The following SCARB1 variants were observed in gnomAD, a reference collection of about 807,000 sequenced individuals.
SCARB1 encodes the protein CD36 and LIMPII analogous 1.
A neutral mutation model predicts 57.2 loss-of-function variants in SCARB1; 30 were observed. The ratio of observed to expected loss-of-function variants is 0.52; its 90% confidence interval spans 0.39 to 0.71. SCARB1 has a LOEUF of 0.71. Among genes scored for constraint, SCARB1 ranks in the 30% least tolerant of loss-of-function variants. The pLI, the probability that SCARB1 is intolerant of heterozygous loss-of-function variation, is 0.00. For synonymous variants in SCARB1, 249 were observed against 268.3 expected (o/e 0.93, Z 0.70); for missense variants, 543 against 671.2 (o/e 0.81, Z 2.11).
intron 11 of SCARB1, chr12:124,783,108 C>A (rs969166153): frequency 5.2e-6 from 2 of 385,236 alleles, no homozygotes; most frequent in Non-Finnish European, 9.6e-6. Flanking sequence ...CCATGGAGAC[C>A]GACAACCAGT....
chr12:124,807,967 C>G lies in SCARB1; in HGVS notation c.843-40G>C, dbSNP rs760655256. The G allele has an allele frequency of 5.6e-6, 9 of 1,607,098 alleles. No homozygotes were observed. The highest frequency in any genetic ancestry group is 7.7e-6 in the Non-Finnish European group (9 of 1,174,438). ...CAGGATGAGAGGGGACACCCAGACCCGGCGGCCAGAGCCAGGCCCTGCCAA... is the reference window on the plus strand; with the variant it reads ...CAGGATGAGAGGGGACACCCAGACCGGGCGGCCAGAGCCAGGCCCTGCCAA... On this transcript the variant is annotated intron_variant, in intron 6 of 12. Transcript: ENST00000261693. This position sits in a 1 kb window ranked among gnomAD's most constrained non-coding sequence, Gnocchi z 5.3.
intron 7 of SCARB1, among the ~76,000 whole-genome samples, chr12:124,803,703 AAAAAAAAAAAAAT>A (rs1004334294): frequency 1.5e-5 from 2 of 136,176 alleles, no homozygotes; most frequent in Admixed American, 7.0e-5. Context: ...AAAAAAAAAA[AAAAAAAAAAAAAT>A]TGAAATAAGA....
chr12:124,833,369 T>C (rs1174547494), intron 1 of SCARB1, among the ~76,000 whole-genome samples: 1 of 152,016 alleles, frequency 6.6e-6, no homozygotes, highest in Admixed American at 6.6e-5. Context: ...TTTAAATTTT[T>C]TATAGAGATG....
Position 124,816,817 on chromosome 12 carries a change from C to CA in SCARB1, c.284+732dup, listed in dbSNP as rs1950736738. On this transcript the variant is annotated intron_variant, in intron 2 of 12. Transcript: ENST00000261693. ...GGGGCTCTTGTGTCTCTCCAGTCTG[C>CA]AGACGGGCAAACTGAGGCTCAGAGG... 2.0e-5 allele frequency among the ~76,000 whole-genome samples: 3 copies of CA among 152,170 alleles called. No individual in the cohort carries two copies. In the South Asian group the frequency reaches 6.2e-4, roughly 32 times the overall value.
chr12:124,843,755 C>T (rs1410126917), intron 1 of SCARB1, among the ~76,000 whole-genome samples: 1 of 152,172 alleles, frequency 6.6e-6, no homozygotes, highest in African/African-American at 2.4e-5. Context: ...TGGGGTCTAG[C>T]CCCAGTTTGC....
intron 1 of SCARB1, among the ~76,000 whole-genome samples, chr12:124,833,193 C>CT (rs34730382): frequency 0.44 from 62,072 of 141,234 alleles, 13,964 homozygotes; most frequent in South Asian, 0.59. Flanking sequence ...AGATCCTTAA[C>CT]TTTTTTTTTT....
intron 1 of SCARB1, among the ~76,000 whole-genome samples, chr12:124,841,146 C>T (rs550998704): frequency 1.1e-4 from 17 of 152,180 alleles, no homozygotes; most frequent in Admixed American, 4.6e-4. Flanking sequence ...CCGAGGTGGG[C>T]GGATCACGAG....
rs1038402419 is a variant in SCARB1 at position 124,792,252 on chromosome 12, T to C, written c.1202+2943A>G. 1.9e-4 allele frequency among the ~76,000 whole-genome samples: 29 copies of C among 152,260 alleles called. 1 individual carries two copies. Among genetic ancestry groups the C allele is most frequent in the African/African-American group, 6.0e-4 (25 of 41,506 alleles). On this transcript the variant is annotated intron_variant, in intron 9 of 12. Coordinates refer to ENST00000261693, the MANE Select transcript of SCARB1 (RefSeq NM_005505.5). ...AGACAGCTCTGCTTCCCGGCAGCTG[T>C]GTCTCTAGACTTTTCCCACGGCCAT...
chr12:124,786,570 C>T, intron 10 of SCARB1, 67 bp from the exon 11 acceptor site: 1 of 1,596,104 alleles, frequency 6.3e-7, no homozygotes, highest in Admixed American at 1.7e-5. Context: ...GCAGATGCCA[C>T]CCAACACCTT....
intron 12 of SCARB1, among the ~76,000 whole-genome samples, chr12:124,781,916 A>C (rs1435880891): frequency 6.6e-6 from 1 of 150,482 alleles, no homozygotes; most frequent in South Asian, 2.1e-4. Context: ...TTTTAGTTTT[A>C]TTTTTTTGAG....
In SCARB1 at chr12:124,815,141, GC is replaced by G. The variant is rs749847429; in HGVS notation, c.285-28del. On this transcript the variant is annotated intron_variant, in intron 2 of 12. Coordinates refer to ENST00000261693, the MANE Select transcript of SCARB1 (RefSeq NM_005505.5). Reference sequence around the variant, plus strand: ...TGTGGGGGAAGCCAGTGGGTCAGACGCCCCGCCCCGCTGCATGGGACGTTTC... The same window carrying G: ...TGTGGGGGAAGCCAGTGGGTCAGACGCCCGCCCCGCTGCATGGGACGTTTC... The G allele has an allele frequency of 6.2e-6, 10 of 1,610,230 alleles. No homozygotes were observed. The Admixed American group carries it at 1.7e-4, about 27-fold the overall frequency.
intron 12 of SCARB1, among the ~76,000 whole-genome samples, chr12:124,781,870 G>A (rs1183380358): frequency 1.3e-5 from 2 of 151,958 alleles, no homozygotes; most frequent in Admixed American, 6.6e-5. Context: ...CTTTGTTCTT[G>A]GTCAGTCATC....
intron 1 of SCARB1, among the ~76,000 whole-genome samples, chr12:124,838,076 G>A (rs1214248031): frequency 2.0e-5 from 3 of 152,218 alleles, no homozygotes; most frequent in African/African-American, 7.2e-5. Context: ...CATCACAGCA[G>A]CAGGGCTGAG....
Position 124,863,849 on chromosome 12 carries a change from C to A in SCARB1, c.-129G>T. On this transcript the variant is annotated 5_prime_UTR_variant, in exon 1 of 13. Coordinates refer to ENST00000261693, the MANE Select transcript of SCARB1 (RefSeq NM_005505.5). ...CCGCAGAGGCACGGTGGATCCGGGA[C>A]GGCAGCGCACGCAGGAGCAGCCCGG... 8.5e-7 allele frequency: 1 copy of A among 1,182,398 alleles called. No individual in the cohort carries two copies. The highest frequency in any genetic ancestry group is 1.1e-6 in the Non-Finnish European group (1 of 909,182). 73.2% of individuals were successfully genotyped at this position (1,182,398 alleles called of 1,614,324 possible).
intron 8 of SCARB1, among the ~76,000 whole-genome samples, chr12:124,797,148 A>G (rs1406322014): frequency 6.6e-6 from 1 of 152,056 alleles, no homozygotes; most frequent in African/African-American, 2.4e-5. Flanking sequence ...ACTCATTGCT[A>G]AAGACATTAA....
intron 9 of SCARB1, 58 bp downstream of exon 9, chr12:124,795,137 C>T (rs998066744): frequency 9.3e-6 from 13 of 1,397,210 alleles, no homozygotes; most frequent in African/African-American, 8.5e-5. Flanking sequence ...ACCACTGGAG[C>T]ACTGAGCACC....
Position 124,789,669 on chromosome 12 carries a change from C to T in SCARB1, c.1203-2212G>A, listed in dbSNP as rs535751135. ...AGCAATCAGGCAAGAGAAAGAAAAA[C>T]GAAAAAACAAAAACAAATTTTAAAA... On this transcript the variant is annotated intron_variant, in intron 9 of 12. Coordinates refer to ENST00000261693, the MANE Select transcript of SCARB1 (RefSeq NM_005505.5). This position sits in a 1 kb window ranked among gnomAD's most constrained non-coding sequence, Gnocchi z 4.4. 2.1e-4 allele frequency among the ~76,000 whole-genome samples: 32 copies of T among 151,760 alleles called. No individual in the cohort carries two copies. Among genetic ancestry groups the T allele is most frequent in the African/African-American group, 6.0e-4 (25 of 41,398 alleles).
Position 124,810,158 on chromosome 12 carries a change from G to T in SCARB1, c.842+16C>A. The T allele has an allele frequency of 6.4e-7, 1 of 1,569,746 alleles. No homozygotes were observed. The highest frequency in any genetic ancestry group is 1.1e-5 in the South Asian group (1 of 90,230). The stretch of plus-strand genomic sequence containing the variant: ...CTACCCAGGAAACCCAGGAGGCCCC[G>T]AGTCCCAGTGATTACCGGCAGGCCT... On this transcript the variant is annotated intron_variant, in intron 6 of 12. Coordinates refer to ENST00000261693, the MANE Select transcript of SCARB1 (RefSeq NM_005505.5). The surrounding 1 kb of genome is among the most constrained non-coding windows in gnomAD (Gnocchi z 4.0).
intron 9 of SCARB1, among the ~76,000 whole-genome samples, 196 bp from the exon 10 acceptor site, chr12:124,787,653 C>G (rs1385526620): frequency 6.6e-6 from 1 of 152,134 alleles, no homozygotes; most frequent in Non-Finnish European, 1.5e-5. Context: ...AGGTCTCAGT[C>G]TACAGCCCTC....
Sources: gnomAD v4.1 joint callset for allele counts (sites outside exome capture counted in the v4.1 genomes callset) on GRCh38, gnomAD v4.1.1 for gene constraint, Gnocchi (gnomAD v3.1) non-coding constraint, MANE v1.5 for transcripts, NCBI Gene and HGNC (gene_info 2026-07-23, HGNC 2026-07-21) for gene names.